LASP1: variants seen among roughly 807,000 people sequenced by gnomAD.
The protein encoded by LASP1 is LIM and SH3 protein 1.
Under a neutral mutation model 38.6 loss-of-function variants are expected in LASP1, and 10 were observed. The ratio of observed to expected loss-of-function variants is 0.26; its 90% CI spans 0.16 to 0.44. LASP1 has a LOEUF of 0.44. Among genes scored for constraint, LASP1 ranks in the 20% least tolerant of loss-of-function variants. LASP1 has a pLI of 1.00. For missense variants in LASP1, 243 were observed against 375.7 expected (o/e 0.65, Z 2.92); for synonymous variants, 132 against 140.8 (o/e 0.94, Z 0.44).
Position 38,886,312 on chromosome 17 carries a change from C to A in LASP1, c.165-4108C>A, listed in dbSNP as rs564126045. 3.3e-3 allele frequency among the ~76,000 whole-genome samples: 504 copies of A among 151,726 alleles called. 5 individuals carry two copies. Among genetic ancestry groups the A allele is most frequent in the African/African-American group, 0.011 (474 of 41,234 alleles). ...GGGGCTGGGGACTGGGGACTGTGGG[C>A]TGTGGGGAGGGGACAGGGTTGACCC... On this transcript the variant is annotated intron_variant, in intron 2 of 6. Coordinates refer to ENST00000318008, the MANE Select transcript of LASP1 (RefSeq NM_006148.4).
intron 4 of LASP1, among the ~76,000 whole-genome samples, chr17:38,904,759 T>A (rs1236504664): frequency 6.6e-6 from 1 of 152,220 alleles, no homozygotes; most frequent in Admixed American, 6.5e-5. Flanking sequence ...GCATCTCAGT[T>A]GGCCAGAAAT....
chr17:38,870,210 G>C lies in LASP1; in HGVS notation c.21G>C (p.Arg7=). Residue 7 remains arginine (R), a synonymous_variant, in exon 1 of 7, where the codon CGG becomes CGC. Coordinates refer to ENST00000318008, the MANE Select transcript of LASP1 (RefSeq NM_006148.4). ...GAACCATGAACCCCAACTGCGCCCG[G>C]TGCGGCAAGATCGTGTATCCCACGG... is the stretch of plus-strand genomic sequence containing the variant. The part of the protein sequence containing the change: MNPNCA[R]CGKIVYPTEK... 1.2e-6 allele frequency: 2 copies of C among 1,613,920 alleles called. No homozygotes were observed. The highest frequency in any genetic ancestry group is 4.5e-5 in the East Asian group (2 of 44,870).
chr17:38,879,998 TC>T (rs997839626), intron 2 of LASP1, among the ~76,000 whole-genome samples: 25 of 152,238 alleles, frequency 1.6e-4, no homozygotes, highest in African/African-American at 5.8e-4. Flanking sequence ...CTACTGTTCC[TC>T]TTCCCCCTAC....
At position 38,920,142 on chromosome 17, in the gene LASP1, T is replaced by G. The variant is rs1218792944; in HGVS notation, c.*1364T>G. On this transcript the variant is annotated 3_prime_UTR_variant, in exon 7 of 7. Transcript: ENST00000318008. Reference sequence around the variant, plus strand: ...TGGAAGGTAAGAGGTTGGTGTGGAGTTGGGGCTGCCATAGGGTCTGCAGCC... The same window carrying G: ...TGGAAGGTAAGAGGTTGGTGTGGAGGTGGGGCTGCCATAGGGTCTGCAGCC... 1 of 535,894 alleles carries G rather than the reference T, an allele frequency of 1.9e-6. No homozygotes were observed. Among genetic ancestry groups the G allele is most frequent in the Non-Finnish European group, 3.6e-6 (1 of 276,116 alleles). The allele number at this position is 535,894 out of a possible 1,614,324, so 33.2% of individuals were successfully genotyped here. A position where few individuals can be genotyped will look rare whatever the true frequency, so the allele number is the denominator to read the frequency against.
intron 4 of LASP1, among the ~76,000 whole-genome samples, chr17:38,908,889 C>T (rs568702045): frequency 6.6e-5 from 10 of 152,342 alleles, no homozygotes; most frequent in Admixed American, 2.6e-4. Flanking sequence ...GCAGCAGAGA[C>T]GTTGTGCGGA....
chr17:38,909,893 GCC>G (rs2143815809), intron 4 of LASP1, among the ~76,000 whole-genome samples: 1 of 152,202 alleles, frequency 6.6e-6, no homozygotes, highest in East Asian at 1.9e-4. Flanking sequence ...GATTACAGGT[GCC>G]CACCACCATG....
intron 6 of LASP1, chr17:38,916,585 G>C (rs143729708): frequency 6.7e-6 from 1 of 149,248 alleles, no homozygotes; most frequent in South Asian, 2.1e-4. Flanking sequence ...CATTTGGCCG[G>C]GTGCGATGGC....
rs525989 is a variant in LASP1, at chr17:38,914,405, A to C, written c.438A>C (p.Ser146=). ...GEGMEPERRD[S]QDGSSYRRPL... is the part of the protein sequence containing the mutation. ...GCATGGAGCCAGAGCGTCGGGATTC[A>C]CAGGACGGCAGCAGCTACCGGCGGC... Residue 146 remains serine, a synonymous_variant, in exon 5 of 7, where the codon TCA becomes TCC. Coordinates refer to ENST00000318008, the MANE Select transcript of LASP1 (RefSeq NM_006148.4). The C allele has an allele frequency of 6.2e-7, 1 of 1,611,572 alleles. No individual in the cohort carries two copies.
chr17:38,896,998 T>C, intron 3 of LASP1: 1 of 985,446 alleles, frequency 1.0e-6, no homozygotes, highest in African/African-American at 1.7e-5. Flanking sequence ...CGATGCCCGC[T>C]TCCCAAAGGG....
At chr17:38,912,868 A>T (rs1914995646) in intron 4 of LASP1, among the ~76,000 whole-genome samples, 1 of 152,198 alleles carries the variant, frequency 6.6e-6, no homozygotes, top group Admixed American at 6.5e-5. Context: ...CAAATGGGCC[A>T]GTTGACCCTG....
At position 38,917,038 on chromosome 17, in the gene LASP1, G is replaced by A. The variant is rs372988344; in HGVS notation, c.613-1567G>A. Among the ~76,000 whole-genome samples the A allele has an allele frequency of 1.3e-3, 194 of 152,228 alleles. 1 individual carries two copies. The South Asian group carries it at 0.023, about 18-fold the overall frequency. On this transcript the variant is annotated intron_variant, in intron 6 of 6. Coordinates refer to ENST00000318008, the MANE Select transcript of LASP1 (RefSeq NM_006148.4). ...TAGAGTGGGAGAGGGTGGGAGGTCCGATTATGCAGGGACTTGTGGGCCCCA... is the reference window on the plus strand; with the variant it reads ...TAGAGTGGGAGAGGGTGGGAGGTCCAATTATGCAGGGACTTGTGGGCCCCA...
At chr17:38,909,649 A>C (rs1914873925) in intron 4 of LASP1, among the ~76,000 whole-genome samples, 1 of 152,004 alleles carries the variant, frequency 6.6e-6, no homozygotes, top group Non-Finnish European at 1.5e-5. Flanking sequence ...AGAGCCCACT[A>C]GGGGTCATCA....
At chr17:38,914,985 T>C in intron 5 of LASP1, 58 bp from the exon 6 acceptor site, 1 of 1,542,090 alleles carries the variant, frequency 6.5e-7, no homozygotes, top group African/African-American at 1.4e-5. Flanking sequence ...TCGGGAGCTC[T>C]GGGAGGGGCT....
intron 6 of LASP1, among the ~76,000 whole-genome samples, chr17:38,917,830 C>T (rs374961852): frequency 7.8e-4 from 119 of 152,180 alleles, no homozygotes; most frequent in African/African-American, 2.7e-3. Context: ...GCTGAGACTA[C>T]AGGCATGTAC....
In LASP1 at chr17:38,886,218, A is replaced by G. The variant is rs142515178; in HGVS notation, c.165-4202A>G. 4.3e-3 allele frequency among the ~76,000 whole-genome samples: 656 copies of G among 151,530 alleles called. 6 individuals carry two copies. Among genetic ancestry groups the G allele is most frequent in the Admixed American group, 8.3e-3 (127 of 15,218 alleles). ...GCTCTCCTGCCTGGAGCTGAAGATG[A>G]GGTTGCCATGGAAACCTGAAGCGTA... On this transcript the variant is annotated intron_variant, in intron 2 of 6. Coordinates refer to ENST00000318008, the MANE Select transcript of LASP1 (RefSeq NM_006148.4).
intron 4 of LASP1, among the ~76,000 whole-genome samples, chr17:38,910,638 C>A (rs919058618): frequency 5.3e-5 from 8 of 151,878 alleles, no homozygotes; most frequent in Non-Finnish European, 7.4e-5. Flanking sequence ...TATTCCAGAA[C>A]CCCAGCCCTG....
chr17:38,905,887 T>C (rs886203650), intron 4 of LASP1, among the ~76,000 whole-genome samples: 4 of 151,396 alleles, frequency 2.6e-5, no homozygotes, highest in Non-Finnish European at 5.9e-5. Flanking sequence ...CAAGATACCA[T>C]CTCTACAAAA....
chr17:38,911,429 G>A (rs79967779), intron 4 of LASP1, among the ~76,000 whole-genome samples: 5 of 99,288 alleles, frequency 5.0e-5, no homozygotes, highest in East Asian at 5.2e-4. Flanking sequence ...TCTGGATATC[G>A]GGATATGACA....
At chr17:38,885,446 C>T (rs145868697) in intron 2 of LASP1, among the ~76,000 whole-genome samples, 1 of 152,220 alleles carries the variant, frequency 6.6e-6, no homozygotes, top group East Asian at 1.9e-4. Context: ...AGTCCCTGTT[C>T]CTGCCCCGCT....
Sources: gnomAD v4.1 joint callset for allele counts (sites outside exome capture counted in the v4.1 genomes callset) on GRCh38, gnomAD v4.1.1 for gene constraint, MANE v1.5 for transcripts, NCBI Gene and HGNC (gene_info 2026-07-23, HGNC 2026-07-21) for gene names.